GLDC: variants seen among roughly 807,000 people sequenced by gnomAD.
GLDC encodes glycine decarboxylase.
In GLDC, 104 loss-of-function variants were observed where a neutral mutation model predicts 121.3. The ratio of observed to expected loss-of-function variants is 0.86; its 90% confidence interval spans 0.73 to 1.01. GLDC has a LOEUF of 1.01. Among genes scored for constraint, GLDC ranks in the 50% least tolerant of loss-of-function variants. The probability of loss-of-function intolerance (pLI) is 0.00; values close to 1 mark genes in which losing one functional copy is unlikely to be tolerated. For missense variants in GLDC, 1,429 were observed against 1,306.6 expected (o/e 1.09, Z -1.44); for synonymous variants, 546 against 480.6 (o/e 1.14, Z -1.78).
At chr9:6,592,076 G>A (rs566732004) in intron 11 of GLDC, 67 bp downstream of exon 11, 160 of 956,450 alleles carry the variant, frequency 1.7e-4, no homozygotes, top group Non-Finnish European at 2.6e-4. Context: ...CACACTCAGG[G>A]GATAAGCTAC....
intron 4 of GLDC, among the ~76,000 whole-genome samples, chr9:6,607,110 G>GC (rs1210684464): frequency 2.0e-5 from 3 of 152,018 alleles, no homozygotes; most frequent in African/African-American, 7.3e-5. Context: ...GTAACTAATG[G>GC]CATTTACTGA....
In GLDC at chr9:6,556,147, T is replaced by G; in HGVS notation, c.2202+6A>C. On this transcript the variant is annotated splice_donor_region_variant and intron_variant, in intron 18 of 24. Coordinates refer to ENST00000321612, the MANE Select transcript of GLDC (RefSeq NM_000170.3). ...GGAACTAAGGGCGGGCCTCTTCAGT[T>G]CCCACCTGAGCATTCATATTTGCCC... 6.2e-7 allele frequency: 1 copy of G among 1,610,700 alleles called. No individual in the cohort carries two copies. The highest frequency in any genetic ancestry group is 8.5e-7 in the Non-Finnish European group (1 of 1,178,046).
rs62569040 is a variant in GLDC at position 6,604,341 on chromosome 9, A to T, written c.1058+247T>A. Among the ~76,000 whole-genome samples the T allele has an allele frequency of 0.18, 27,650 of 152,136 alleles. 3,306 individuals are homozygous for T. Among genetic ancestry groups the T allele is most frequent in the Non-Finnish European group, 0.26 (17,555 of 67,974 alleles). On this transcript the variant is annotated intron_variant, in intron 7 of 24. Transcript: ENST00000321612. ...TCAAGGCGTCCATCAATCTAAGCAA[A>T]TGCGTTACATGACTTCGATACATTG...
In GLDC at chr9:6,556,242, C is replaced by A. The variant is rs147275962; in HGVS notation, c.2113G>T (p.Val705Leu). Residue 705 changes from valine to leucine, a missense_variant, in exon 18 of 25, where the codon GTG becomes TTG. By Grantham distance (32) the Val-to-Leu change is conservative. Coordinates refer to ENST00000321612, the MANE Select transcript of GLDC (RefSeq NM_000170.3). ...ACGTCACTGATGTTCTCTTCAAACA[C>A]CCCATTGGTGGATGGGTATGTAATC... ...IMITYPSTNG[V>L]FEENISDVCD... The A allele has an allele frequency of 1.2e-6, 2 of 1,610,966 alleles. No homozygotes were observed. The highest frequency in any genetic ancestry group is 1.7e-6 in the Non-Finnish European group (2 of 1,177,204).
At chr9:6,594,523 C>T (rs1818449461) in intron 9 of GLDC, among the ~76,000 whole-genome samples, 1 of 152,100 alleles carries the variant, frequency 6.6e-6, no homozygotes, top group Non-Finnish European at 1.5e-5. Flanking sequence ...TGGCAAAGCC[C>T]TGTCTCTACC....
chr9:6,593,103 G>T lies in GLDC; in HGVS notation c.1262-113C>A, dbSNP rs558175721. On this transcript the variant is annotated intron_variant, in intron 9 of 24. Transcript: ENST00000321612. ...TCTACTAGACTCTTGTTGGTCCTGGGGAGTGCTTTGGTGATTGCTTTTTAA... is the reference window on the plus strand; with the variant it reads ...TCTACTAGACTCTTGTTGGTCCTGGTGAGTGCTTTGGTGATTGCTTTTTAA... 20 of 1,113,040 alleles carry T rather than the reference G, an allele frequency of 1.8e-5. No individual in the cohort carries two copies. In the South Asian group the frequency reaches 2.6e-4, roughly 14 times the overall value. 68.9% of individuals were successfully genotyped at this position (1,113,040 alleles called of 1,614,324 possible). A position where few individuals can be genotyped will look rare whatever the true frequency, so the allele number is the denominator to read the frequency against.
Position 6,550,820 on chromosome 9 carries a change from A to C in GLDC, c.2552T>G (p.Leu851Arg), listed in dbSNP as rs753948580. The change falls in exon 21 of 25, where the codon CTT (leucine) becomes CGT (arginine). Residue 851 changes from leucine (L) to arginine (R), a missense_variant. By Grantham distance (102) the Leu-to-Arg change is moderately radical. Transcript: ENST00000321612. ...ATACTTGCCTCTTGCACCCCTGAAAAGAATTCTGTAGTGTGTTTCTAATCG... is the reference window on the plus strand; with the variant it reads ...ATACTTGCCTCTTGCACCCCTGAAACGAATTCTGTAGTGTGTTTCTAATCG... Reference protein sequence around the residue: ...AKRLETHYRILFRGARGYVGH... With the variant: ...AKRLETHYRIRFRGARGYVGH... 6.2e-7 allele frequency: 1 copy of C among 1,611,492 alleles called. No homozygotes were observed. The highest frequency in any genetic ancestry group is 2.2e-5 in the East Asian group (1 of 44,882).
At chr9:6,617,440 T>A (rs1476362961) in intron 3 of GLDC, among the ~76,000 whole-genome samples, 2 of 152,120 alleles carry the variant, frequency 1.3e-5, no homozygotes, top group Admixed American at 6.6e-5. Flanking sequence ...GCTGGAATGC[T>A]GCAGCCCGTT....
At chr9:6,536,690 C>T (rs1200207172) in intron 22 of GLDC, among the ~76,000 whole-genome samples, 1 of 152,086 alleles carries the variant, frequency 6.6e-6, no homozygotes, top group African/African-American at 2.4e-5. Context: ...ATTTTTCTTT[C>T]ACTTCGATTG....
At chr9:6,590,581 T>A (rs776292069) in intron 11 of GLDC, among the ~76,000 whole-genome samples, 19 of 152,216 alleles carry the variant, frequency 1.2e-4, no homozygotes, top group Non-Finnish European at 1.6e-4. Context: ...CCTTCCTTCA[T>A]GAGAGGAAGT....
intron 15 of GLDC, among the ~76,000 whole-genome samples, chr9:6,578,965 A>G (rs1047007836): frequency 6.6e-6 from 1 of 152,148 alleles, no homozygotes; most frequent in Non-Finnish European, 1.5e-5. Context: ...CCATGTGATC[A>G]GCCTCTGTTA....
chr9:6,555,879 C>A (rs1175828521), intron 18 of GLDC, among the ~76,000 whole-genome samples: 1 of 152,144 alleles, frequency 6.6e-6, no homozygotes, highest in East Asian at 1.9e-4. Flanking sequence ...TGCAGGGGCT[C>A]CCAACAGCAT....
chr9:6,597,977 A>C (rs1818524709), intron 8 of GLDC, among the ~76,000 whole-genome samples: 1 of 152,160 alleles, frequency 6.6e-6, no homozygotes. Flanking sequence ...GAACATAATG[A>C]AAATTCAGAC....
chr9:6,585,497 C>G (rs1225154433), intron 15 of GLDC, among the ~76,000 whole-genome samples: 1 of 151,858 alleles, frequency 6.6e-6, no homozygotes, highest in Non-Finnish European at 1.5e-5. Context: ...TGAAGTGAGA[C>G]TTTAAGACGC....
chr9:6,544,534 G>A (rs1817343680), intron 21 of GLDC, among the ~76,000 whole-genome samples: 1 of 151,948 alleles, frequency 6.6e-6, no homozygotes, highest in Non-Finnish European at 1.5e-5. Context: ...ATCATAGTGG[G>A]AGGCTGAGGC....
At chr9:6,600,397 C>T (rs865777246) in intron 8 of GLDC, among the ~76,000 whole-genome samples, 1 of 151,142 alleles carries the variant, frequency 6.6e-6, no homozygotes, top group Non-Finnish European at 1.5e-5. Flanking sequence ...AAAAAAGAAG[C>T]CAGGTGCCAT....
chr9:6,549,272 CAGCCTCCACTCTCTCCTGG>C (rs1366678564), intron 21 of GLDC, among the ~76,000 whole-genome samples: 1 of 151,852 alleles, frequency 6.6e-6, no homozygotes, highest in African/African-American at 2.4e-5. Flanking sequence ...AAAGCAGGCG[CAGCCTCCACTCTCTCCTGG>C]ACCCTGGAGT....
At chr9:6,645,110 C>T in intron 1 of GLDC, 135 bp downstream of exon 1, 1 of 876,082 alleles carries the variant, frequency 1.1e-6, no homozygotes, top group Middle Eastern at 3.5e-4. Context: ...TTTGCTTCCA[C>T]GCCACGGCCC....
chr9:6,554,813 T>A (rs1817586648), intron 18 of GLDC, 32 bp from the exon 19 acceptor site: 1 of 1,550,138 alleles, frequency 6.5e-7, no homozygotes, highest in South Asian at 1.2e-5. Context: ...AAAGCAAAAG[T>A]CAAGAGCTTG....
Sources: gnomAD v4.1 joint callset for allele counts (sites outside exome capture counted in the v4.1 genomes callset) on GRCh38, gnomAD v4.1.1 for gene constraint, MANE v1.5 for transcripts, NCBI Gene and HGNC (gene_info 2026-07-23, HGNC 2026-07-21) for gene names.